NLGN1: variants seen among roughly 807,000 people sequenced by gnomAD.
NLGN1 encodes the protein neuroligin-1.
A neutral mutation model predicts 65.5 loss-of-function variants in NLGN1; 12 were observed. The ratio of observed to expected loss-of-function variants is 0.18; its 90% CI spans 0.12 to 0.30. The LOEUF is 0.30. Ranked by LOEUF, NLGN1 falls within the 10% of genes least tolerant of loss-of-function variation. The pLI is 1.00. For synonymous variants in NLGN1, 350 were observed against 359.5 expected, an observed-to-expected ratio of 0.97 and a Z score of 0.30; for missense variants, 750 against 1,007.1, an observed-to-expected ratio of 0.74 and a Z score of 3.46.
upstream of NLGN1, among the ~76,000 whole-genome samples, chr3:173,396,869 G>A (rs1287526537): frequency 1.3e-5 from 2 of 152,108 alleles, no homozygotes; most frequent in African/African-American, 4.8e-5. Context: ...GTGGGGGTGG[G>A]GGGTGCTGGA....
chr3:173,677,883 A>C (rs1763389843), intron 3 of NLGN1, among the ~76,000 whole-genome samples: 1 of 152,146 alleles, frequency 6.6e-6, no homozygotes, highest in African/African-American at 2.4e-5. Flanking sequence ...AGCCAAACTA[A>C]AGATGGGATT....
At chr3:174,289,111 G>GGTT (rs1161685122), downstream of NLGN1, among the ~76,000 whole-genome samples, 1 of 151,278 alleles carries the variant, frequency 6.6e-6, no homozygotes, top group Non-Finnish European at 1.5e-5. Flanking sequence ...TGCAGAATCA[G>GGTT]GTTGAGGATA....
chr3:174,066,746 T>TTTAAAATGCTAAACTTAA (rs1738696984), intron 4 of NLGN1, among the ~76,000 whole-genome samples: 1 of 152,118 alleles, frequency 6.6e-6, no homozygotes, highest in South Asian at 2.1e-4. Context: ...GGGTCCTTGC[T>TTTAAAATGCTAAACTTAA]ATGGGCAAGG....
chr3:173,694,656 T>C (rs569718236), intron 3 of NLGN1, among the ~76,000 whole-genome samples: 7 of 152,318 alleles, frequency 4.6e-5, no homozygotes, highest in Admixed American at 4.6e-4. Flanking sequence ...TAGGTACCAT[T>C]GAAAATATTA....
intron 3 of NLGN1, among the ~76,000 whole-genome samples, chr3:173,726,557 T>C (rs1266579741): frequency 6.6e-6 from 1 of 152,138 alleles, no homozygotes; most frequent in Admixed American, 6.6e-5. Context: ...CTCCAACTTT[T>C]CACCAGCTGT....
At chr3:174,140,538 C>A (rs1722085617) in intron 4 of NLGN1, among the ~76,000 whole-genome samples, 1 of 151,928 alleles carries the variant, frequency 6.6e-6, no homozygotes, top group African/African-American at 2.4e-5. Context: ...GGAAATGAGG[C>A]AAAAAGAAAG....
At chr3:174,016,489 C>T (rs1378683507) in intron 4 of NLGN1, among the ~76,000 whole-genome samples, 1 of 152,094 alleles carries the variant, frequency 6.6e-6, no homozygotes, top group Non-Finnish European at 1.5e-5. Flanking sequence ...CACAAGATAT[C>T]AGCAGATTGA....
intron 4 of NLGN1, among the ~76,000 whole-genome samples, chr3:174,069,870 A>C (rs1287771537): frequency 6.6e-6 from 1 of 152,230 alleles, no homozygotes; most frequent in Non-Finnish European, 1.5e-5. Flanking sequence ...TTTAGCTGTA[A>C]ACCTGACTAC....
intron 2 of NLGN1, among the ~76,000 whole-genome samples, chr3:173,558,692 T>G (rs1742136868): frequency 6.6e-6 from 1 of 152,152 alleles, no homozygotes; most frequent in Non-Finnish European, 1.5e-5. Flanking sequence ...CCTCGACCTT[T>G]TAAAATCATA....
At chr3:174,060,510 C>A (rs994725663) in intron 4 of NLGN1, among the ~76,000 whole-genome samples, 2 of 152,094 alleles carry the variant, frequency 1.3e-5, no homozygotes, top group African/African-American at 4.8e-5. Flanking sequence ...CTTTGTCTCT[C>A]CCTAAGCAAA....
intron 2 of NLGN1, among the ~76,000 whole-genome samples, chr3:173,514,337 G>C (rs2149107249): frequency 6.6e-6 from 1 of 152,208 alleles, no homozygotes; most frequent in East Asian, 1.9e-4. Flanking sequence ...TGTCACCCAA[G>C]CAGTTTACAC....
chr3:173,425,046 A>G (rs1291922686), intron 1 of NLGN1, among the ~76,000 whole-genome samples: 6 of 152,166 alleles, frequency 3.9e-5, no homozygotes, highest in Admixed American at 1.3e-4. Flanking sequence ...GAAACTTACA[A>G]TTGTGGTGGA....
intron 3 of NLGN1, among the ~76,000 whole-genome samples, chr3:173,707,807 T>C (rs1768285148): frequency 1.3e-5 from 2 of 152,340 alleles, no homozygotes; most frequent in African/African-American, 4.8e-5. Context: ...CTGCTGCCAA[T>C]ATTAATCCCA....
intron 4 of NLGN1, among the ~76,000 whole-genome samples, chr3:174,046,693 T>C (rs190325173): frequency 1.3e-3 from 194 of 152,256 alleles, no homozygotes; most frequent in African/African-American, 4.5e-3. Flanking sequence ...TTCTATCTCA[T>C]AATGGGGCTT....
intron 3 of NLGN1, among the ~76,000 whole-genome samples, chr3:173,620,075 A>G (rs1165770632): frequency 6.6e-6 from 1 of 152,104 alleles, no homozygotes. Flanking sequence ...ATAGGATGTC[A>G]TTGAGGGATT....
chr3:173,692,671 C>T (rs1349217182), intron 3 of NLGN1, among the ~76,000 whole-genome samples: 1 of 151,974 alleles, frequency 6.6e-6, no homozygotes, highest in African/African-American at 2.4e-5. Context: ...ACGCAGAAGG[C>T]TACAGAACCC....
chr3:173,824,034 C>G (rs1720851691), intron 4 of NLGN1, among the ~76,000 whole-genome samples: 1 of 151,652 alleles, frequency 6.6e-6, no homozygotes, highest in Non-Finnish European at 1.5e-5. Flanking sequence ...TTTCTAAGAT[C>G]AGTTTAATGT....
At chr3:173,433,048 C>T (rs1294378058) in intron 1 of NLGN1, among the ~76,000 whole-genome samples, 1 of 152,122 alleles carries the variant, frequency 6.6e-6, no homozygotes, top group African/African-American at 2.4e-5. Context: ...TAATCAAACA[C>T]CACAGAGAGT....
At chr3:173,464,906 G>A (rs1304166091) in intron 2 of NLGN1, among the ~76,000 whole-genome samples, 1 of 150,830 alleles carries the variant, frequency 6.6e-6, no homozygotes. Flanking sequence ...ATTATTTTCA[G>A]TCTGAATTGC....
Sources: gnomAD v4.1 joint callset for allele counts (sites outside exome capture counted in the v4.1 genomes callset) on GRCh38, gnomAD v4.1.1 for gene constraint, MANE v1.5 for transcripts, NCBI Gene and HGNC (gene_info 2026-07-23, HGNC 2026-07-21) for gene names.